Variants in NAALADL2 observed in about 807,000 individuals in gnomAD.
The protein encoded by NAALADL2 is N-acetylated alpha-linked acidic dipeptidase like 2.
Under a neutral mutation model 87.2 loss-of-function variants are expected in NAALADL2, and 76 were observed. The observed-to-expected ratio is 0.87, with a 90% CI of 0.72 to 1.05. NAALADL2 has a LOEUF of 1.05. Among genes scored for constraint, NAALADL2 ranks in the 50% least tolerant of loss-of-function variants. The pLI is 0.00. For missense variants in NAALADL2, 1,089 were observed against 945.8 expected (o/e 1.15, Z -1.99); for synonymous variants, 354 against 331.0 (o/e 1.07, Z -0.75).
chr3:175,518,397 A>T (rs1732175760), intron 9 of NAALADL2, among the ~76,000 whole-genome samples: 1 of 152,234 alleles, frequency 6.6e-6, no homozygotes, highest in Admixed American at 6.5e-5. Context: ...ATAATTCTTT[A>T]CGTCTTCTTT....
At chr3:175,331,639 C>G (rs1031186816) in intron 5 of NAALADL2, among the ~76,000 whole-genome samples, 2 of 151,974 alleles carry the variant, frequency 1.3e-5, no homozygotes, top group African/African-American at 2.4e-5. Context: ...TATGAAAAAC[C>G]CATACTTAAT....
At position 174,577,976 on chromosome 3, in the gene NAALADL2, A is replaced by C. The variant is rs71310589; in HGVS notation, c.-115+27339A>C. ...GGAAATTTTAGAACCAGAAAGTACA[A>C]AATTTAAAAGAAAAATTTCAGTGGA... On this transcript the variant is annotated intron_variant, in intron 2 of 3. Transcript: ENST00000434257. Among the ~76,000 whole-genome samples, 1,084 of 152,166 alleles carry C rather than the reference A, an allele frequency of 7.1e-3. 5 individuals carry two copies. Among genetic ancestry groups the C allele is most frequent in the Non-Finnish European group, 0.012 (793 of 67,900 alleles).
chr3:175,661,842 T>C (rs1302661433), intron 11 of NAALADL2, among the ~76,000 whole-genome samples: 2 of 152,060 alleles, frequency 1.3e-5, no homozygotes, highest in Non-Finnish European at 2.9e-5. Context: ...TGCTGTTCCA[T>C]TGGTCTGTGG....
intron 4 of NAALADL2, among the ~76,000 whole-genome samples, chr3:175,278,751 G>A (rs1052564623): frequency 3.3e-5 from 5 of 152,072 alleles, no homozygotes; most frequent in East Asian, 3.9e-4. Context: ...ACTGAGGGAG[G>A]GCCTCAGTGG....
intron 9 of NAALADL2, among the ~76,000 whole-genome samples, chr3:175,536,838 C>T (rs940871137): frequency 1.3e-5 from 2 of 152,038 alleles, no homozygotes; most frequent in African/African-American, 4.8e-5. Context: ...AAAAATTAGC[C>T]GGGCGTGGTG....
intron 2 of NAALADL2, among the ~76,000 whole-genome samples, chr3:174,693,181 T>C (rs1728738581): frequency 6.6e-6 from 1 of 152,042 alleles, no homozygotes; most frequent in South Asian, 2.1e-4. Flanking sequence ...GCTTTAATTA[T>C]TATTGCTTAA....
At chr3:174,899,604 C>T (rs1732058214) in intron 1 of NAALADL2, among the ~76,000 whole-genome samples, 1 of 152,174 alleles carries the variant, frequency 6.6e-6, no homozygotes, top group Non-Finnish European at 1.5e-5. Flanking sequence ...CCTCCAGAAG[C>T]TGAGCAGATA....
chr3:175,208,997 T>A (rs534561903), intron 2 of NAALADL2, among the ~76,000 whole-genome samples: 1 of 152,170 alleles, frequency 6.6e-6, no homozygotes. Flanking sequence ...GCTACAAAAT[T>A]ATATTGTTTA....
intron 1 of NAALADL2, among the ~76,000 whole-genome samples, chr3:174,961,967 G>T (rs1287399226): frequency 6.9e-6 from 1 of 145,812 alleles, no homozygotes; most frequent in East Asian, 2.0e-4. Flanking sequence ...GTTGGTCTGT[G>T]TAATGTGTGA....
intron 4 of NAALADL2, among the ~76,000 whole-genome samples, chr3:175,268,628 G>T (rs377113532): frequency 3.3e-5 from 5 of 151,810 alleles, no homozygotes; most frequent in Admixed American, 6.6e-5. Context: ...AGCTTAAAAC[G>T]CATTGCACAC....
At chr3:175,263,683 T>G (rs1751467992) in intron 4 of NAALADL2, among the ~76,000 whole-genome samples, 1 of 151,616 alleles carries the variant, frequency 6.6e-6, no homozygotes, top group Admixed American at 6.6e-5. Context: ...TTTTCCTAAT[T>G]AAATGTTATA....
intron 1 of NAALADL2, among the ~76,000 whole-genome samples, chr3:174,490,237 GT>G (rs1718099209): frequency 1.3e-5 from 2 of 152,092 alleles, no homozygotes; most frequent in Admixed American, 1.3e-4. Context: ...AAAAAATGAA[GT>G]ATTGATACGT....
chr3:174,650,620 T>TA (rs1164366108), intron 2 of NAALADL2, among the ~76,000 whole-genome samples: 1 of 152,178 alleles, frequency 6.6e-6, no homozygotes, highest in Non-Finnish European at 1.5e-5. Flanking sequence ...AATCAGTAGT[T>TA]ACGGTCGTAA....
At chr3:175,752,068 A>G (rs1440676057) in intron 12 of NAALADL2, among the ~76,000 whole-genome samples, 1 of 152,092 alleles carries the variant, frequency 6.6e-6, no homozygotes, top group Non-Finnish European at 1.5e-5. Flanking sequence ...TTAATATAAT[A>G]ATACATTTCA....
chr3:175,280,523 T>A (rs1365255004), intron 4 of NAALADL2, among the ~76,000 whole-genome samples: 2 of 152,094 alleles, frequency 1.3e-5, no homozygotes, highest in Admixed American at 1.3e-4. Context: ...AATGAGAGAA[T>A]AAGATTAGGC....
At chr3:174,925,109 C>A (rs1292277678) in intron 1 of NAALADL2, among the ~76,000 whole-genome samples, 4 of 152,032 alleles carry the variant, frequency 2.6e-5, no homozygotes, top group African/African-American at 4.8e-5. Flanking sequence ...CTTTTGTTGC[C>A]ATTGCTCTTG....
At chr3:175,535,306 G>C (rs898898904) in intron 9 of NAALADL2, among the ~76,000 whole-genome samples, 1 of 152,192 alleles carries the variant, frequency 6.6e-6, no homozygotes, top group Non-Finnish European at 1.5e-5. Flanking sequence ...TTTTTGGAAA[G>C]ATAGGCTAAC....
intron 3 of NAALADL2, among the ~76,000 whole-genome samples, chr3:174,832,255 A>C (rs1401129695): frequency 6.6e-6 from 1 of 151,490 alleles, no homozygotes; most frequent in African/African-American, 2.4e-5. Flanking sequence ...TAGTGCTATA[A>C]ATTTCCCTCT....
intron 5 of NAALADL2, among the ~76,000 whole-genome samples, chr3:175,435,788 T>C (rs1007990242): frequency 6.6e-6 from 1 of 151,876 alleles, no homozygotes; most frequent in Non-Finnish European, 1.5e-5. Flanking sequence ...TCCGTACCTA[T>C]GGATAAGCTA....
Sources: gnomAD v4.1 joint callset for allele counts (sites outside exome capture counted in the v4.1 genomes callset) on GRCh38, gnomAD v4.1.1 for gene constraint, MANE v1.5 for transcripts, NCBI Gene and HGNC (gene_info 2026-07-23, HGNC 2026-07-21) for gene names.